The following SH3RF1 variants were observed in gnomAD, a reference collection of about 807,000 sequenced individuals.
SH3RF1 encodes SH3 domain containing ring finger 1.
SH3RF1 carries 32 observed loss-of-function variants against 74.0 expected under a neutral mutation model. The ratio of observed to expected loss-of-function variants is 0.43; its 90% CI spans 0.33 to 0.58. The LOEUF (loss-of-function observed/expected upper bound fraction) is 0.58, where lower values mean the gene tolerates loss of function less well. SH3RF1 is among the 20% of genes least tolerant of loss of function. The pLI is 0.05. For synonymous variants in SH3RF1, 396 were observed against 439.6 expected (o/e 0.90, Z 1.24); for missense variants, 954 against 1,130.9 (o/e 0.84, Z 2.24).
At chr4:169,129,085 A>AC (rs1733570521) in intron 6 of SH3RF1, among the ~76,000 whole-genome samples, 1 of 152,176 alleles carries the variant, frequency 6.6e-6, no homozygotes, top group Non-Finnish European at 1.5e-5. Context: ...ACAGGCCTGC[A>AC]CCCCCATCAT....
intron 9 of SH3RF1, 58 bp from the exon 10 acceptor site, chr4:169,116,688 C>T: frequency 6.7e-7 from 1 of 1,487,492 alleles, no homozygotes; most frequent in African/African-American, 1.4e-5. Flanking sequence ...ATGCTGCTCA[C>T]CAAAACATGA....
chr4:169,099,584 A>G (rs1312575729), intron 11 of SH3RF1, among the ~76,000 whole-genome samples: 1 of 152,220 alleles, frequency 6.6e-6, no homozygotes, highest in African/African-American at 2.4e-5. Flanking sequence ...CAAGTGACTC[A>G]AAACATATTC....
At chr4:169,123,034 G>A (rs1733466382) in intron 6 of SH3RF1, among the ~76,000 whole-genome samples, 1 of 152,012 alleles carries the variant, frequency 6.6e-6, no homozygotes. Context: ...GAAACTCTTG[G>A]GAAAACAGGC....
At chr4:169,167,280 G>A (rs564583885) in intron 2 of SH3RF1, among the ~76,000 whole-genome samples, 20 of 152,174 alleles carry the variant, frequency 1.3e-4, no homozygotes, top group Non-Finnish European at 4.4e-5. Context: ...ATTATAATGC[G>A]TTCATTAGAA....
chr4:169,249,888 T>C (rs976633327), intron 2 of SH3RF1, among the ~76,000 whole-genome samples: 1 of 152,184 alleles, frequency 6.6e-6, no homozygotes, highest in Non-Finnish European at 1.5e-5. Flanking sequence ...AATTCATCTC[T>C]GACATTAATC....
At chr4:169,206,555 G>T (rs1730267595) in intron 2 of SH3RF1, among the ~76,000 whole-genome samples, 1 of 152,020 alleles carries the variant, frequency 6.6e-6, no homozygotes, top group Non-Finnish European at 1.5e-5. Context: ...GTCCATCAAG[G>T]GATTCACTTT....
At chr4:169,164,010 C>G (rs1218147862) in intron 2 of SH3RF1, among the ~76,000 whole-genome samples, 1 of 152,196 alleles carries the variant, frequency 6.6e-6, no homozygotes, top group Non-Finnish European at 1.5e-5. Context: ...ACTTGTCCAT[C>G]AGGACCCAGC....
chr4:169,152,389 C>T (rs896799009), intron 4 of SH3RF1, among the ~76,000 whole-genome samples: 2 of 152,212 alleles, frequency 1.3e-5, no homozygotes, highest in African/African-American at 2.4e-5. Context: ...CTCCTCCATT[C>T]AAGCCTTGAA....
intron 4 of SH3RF1, among the ~76,000 whole-genome samples, chr4:169,142,003 A>G (rs1232185705): frequency 1.3e-5 from 2 of 151,926 alleles, no homozygotes; most frequent in Non-Finnish European, 2.9e-5. Context: ...TTTTTTTAGT[A>G]TAGACAGGGT....
intron 2 of SH3RF1, among the ~76,000 whole-genome samples, chr4:169,235,750 G>A (rs892918721): frequency 1.3e-5 from 2 of 151,716 alleles, no homozygotes; most frequent in South Asian, 2.1e-4. Context: ...GGAGTGCAAC[G>A]GTGCAATCTT....
At chr4:169,151,922 TTTGC>T (rs1733982822) in intron 4 of SH3RF1, among the ~76,000 whole-genome samples, 1 of 152,234 alleles carries the variant, frequency 6.6e-6, no homozygotes, top group African/African-American at 2.4e-5. Context: ...ATTCATATTT[TTTGC>T]TTGCTTAAGA....
intron 2 of SH3RF1, among the ~76,000 whole-genome samples, chr4:169,184,735 T>A (rs974028696): frequency 2.0e-5 from 3 of 152,176 alleles, no homozygotes; most frequent in Non-Finnish European, 4.4e-5. Context: ...TTATTTATTT[T>A]TTGCACACTG....
intron 4 of SH3RF1, 111 bp from the exon 5 acceptor site, chr4:169,136,731 G>T: frequency 3.4e-6 from 4 of 1,163,972 alleles, no homozygotes; most frequent in Non-Finnish European, 4.6e-6. Context: ...CTACTTTAAA[G>T]TTTGCCTATG....
At chr4:169,223,533 T>A (rs1730605152) in intron 2 of SH3RF1, among the ~76,000 whole-genome samples, 1 of 152,212 alleles carries the variant, frequency 6.6e-6, no homozygotes, top group South Asian at 2.1e-4. Flanking sequence ...GAATGTTTAC[T>A]GAACATATGG....
chr4:169,256,281 GGGAGGAAGAAAGGGAGGAAGGGAA>G (rs1731192948), intron 2 of SH3RF1, among the ~76,000 whole-genome samples: 3 of 151,596 alleles, frequency 2.0e-5, no homozygotes, highest in African/African-American at 7.3e-5. Context: ...AAAGGGAGAA[GGGAGGAAGAAAGGGAGGAAGGGAA>G]GGAGGAAGGA....
chr4:169,154,398 G>C (rs192683630), intron 4 of SH3RF1, among the ~76,000 whole-genome samples: 17 of 152,242 alleles, frequency 1.1e-4, no homozygotes, highest in Admixed American at 2.0e-4. Flanking sequence ...GATACAGTTT[G>C]TCATTTTAGT....
At position 169,156,664 on chromosome 4, in the gene SH3RF1, G is replaced by C. The variant is rs1206057512; in HGVS notation, c.409C>G (p.Pro137Ala). Residue 137 changes from proline (P) to alanine (A), a missense_variant, in exon 3 of 12, where the codon CCA becomes GCA. Pro to Ala is a conservative substitution (Grantham distance 27). Coordinates refer to ENST00000284637, the MANE Select transcript of SH3RF1 (RefSeq NM_020870.4). ...TAGTTGTATAATGCTTTGGCACATG[G>C]TAACTGAGGTATACCCTTTAAAAAA... ...SPPVRGIPQL[P>A]CAKALYNYEG... The C allele has an allele frequency of 1.9e-6, 3 of 1,609,230 alleles. No individual in the cohort carries two copies. The South Asian group carries it at 3.3e-5, about 18-fold the overall frequency.
At chr4:169,226,714 T>C (rs963819589) in intron 2 of SH3RF1, among the ~76,000 whole-genome samples, 8 of 152,198 alleles carry the variant, frequency 5.3e-5, no homozygotes, top group African/African-American at 7.2e-5. Context: ...ATAAAACCTA[T>C]CTTTGTAAAT....
rs1732929506 is a variant in SH3RF1 at position 169,096,362 on chromosome 4, C to T, written c.*157G>A. ...CCACACAAACATCTTCTTCATTCTG[C>T]TCGCTGGGGTAACTGTGCTGGGGCA... On this transcript the variant is annotated 3_prime_UTR_variant, in exon 12 of 12. Transcript: ENST00000284637. The T allele has an allele frequency of 1.4e-6, 1 of 715,964 alleles. No homozygotes were observed. The highest frequency in any genetic ancestry group is 1.8e-5 in the African/African-American group (1 of 56,428). 44.4% of individuals were successfully genotyped at this position (715,964 alleles called of 1,614,324 possible). A position where few individuals can be genotyped will look rare whatever the true frequency, so the allele number is the denominator to read the frequency against.
Sources: gnomAD v4.1 joint callset for allele counts (sites outside exome capture counted in the v4.1 genomes callset) on GRCh38, gnomAD v4.1.1 for gene constraint, MANE v1.5 for transcripts, NCBI Gene and HGNC (gene_info 2026-07-23, HGNC 2026-07-21) for gene names.